Variants in TRAPPC9 observed in about 807,000 individuals in gnomAD.
The protein encoded by TRAPPC9 is IKK2 binding protein.
Under a neutral mutation model 124.0 loss-of-function variants are expected in TRAPPC9, and 83 were observed. That is an observed-to-expected ratio of 0.67 (90% CI 0.56 to 0.80). The LOEUF is 0.80. TRAPPC9 is among the 30% of genes least tolerant of loss of function. The pLI, the probability that TRAPPC9 is intolerant of heterozygous loss-of-function variation, is 0.00. For synonymous variants in TRAPPC9, 638 were observed against 617.5 expected, an observed-to-expected ratio of 1.03 and a Z score of -0.49; for missense variants, 1,302 against 1,508.3, an observed-to-expected ratio of 0.86 and a Z score of 2.27.
In TRAPPC9 at chr8:140,300,497, G is replaced by T; in HGVS notation, c.1740C>A (p.Asn580Lys). The T allele has an allele frequency of 6.2e-7, 1 of 1,614,226 alleles. No homozygotes were observed. The highest frequency in any genetic ancestry group is 8.5e-7 in the Non-Finnish European group (1 of 1,180,046). The change falls in exon 11 of 23, where the codon AAC (asparagine) becomes AAA (lysine). Residue 580 changes from asparagine to lysine, a missense_variant. Asn to Lys is a moderately conservative substitution (Grantham distance 94). Transcript: ENST00000438773. ...PFIYSPIIAH[N>K]RGEERNKKID... ...TTTTCTTGTTCCGCTCTTCTCCACG[G>T]TTGTGTGCGATAATTGGTGAATAGA...
intron 6 of TRAPPC9, among the ~76,000 whole-genome samples, chr8:140,398,035 G>C (rs185664045): frequency 5.9e-5 from 9 of 152,338 alleles, no homozygotes; most frequent in Admixed American, 5.9e-4. Context: ...CATAAGATCT[G>C]ATGGTTTTAT....
chr8:140,158,146 G>A (rs1459117334), intron 17 of TRAPPC9, among the ~76,000 whole-genome samples: 1 of 152,096 alleles, frequency 6.6e-6, no homozygotes, highest in African/African-American at 2.4e-5. Context: ...TAGTCAAAAG[G>A]TTTGTATATG....
chr8:140,128,429 A>G (rs757816799), intron 17 of TRAPPC9, among the ~76,000 whole-genome samples: 5 of 152,234 alleles, frequency 3.3e-5, no homozygotes, highest in Admixed American at 1.3e-4. Context: ...GGCTGCATAC[A>G]AGAAGCAGTG....
At chr8:139,820,160 GA>G (rs767915253) in intron 21 of TRAPPC9, among the ~76,000 whole-genome samples, 3 of 151,798 alleles carry the variant, frequency 2.0e-5, no homozygotes, top group South Asian at 2.1e-4. Context: ...AATGGAGAGA[GA>G]AAAAAAATTA....
In TRAPPC9 at chr8:140,256,926, T is replaced by C. The variant is rs567923275; in HGVS notation, c.2279-3997A>G. 7.2e-5 allele frequency among the ~76,000 whole-genome samples: 11 copies of C among 152,244 alleles called. No homozygotes were observed. The East Asian group carries it at 2.1e-3, about 29-fold the overall frequency. On this transcript the variant is annotated intron_variant, in intron 15 of 22. Coordinates refer to ENST00000438773, the MANE Select transcript of TRAPPC9 (RefSeq NM_001160372.4). ...TGTTTGCTCTTATAATTATTCAGGT[T>C]TGGCAAGAACACCACCACCAATGAT... is the stretch of plus-strand genomic sequence containing the variant.
At chr8:139,772,422 A>G (rs1158950441) in intron 21 of TRAPPC9, among the ~76,000 whole-genome samples, 1 of 152,186 alleles carries the variant, frequency 6.6e-6, no homozygotes, top group Admixed American at 6.5e-5. Context: ...CTCATCTGAC[A>G]GTCCCCAAAC....
At chr8:140,307,000 G>A (rs767329044) in intron 10 of TRAPPC9, among the ~76,000 whole-genome samples, 4 of 152,064 alleles carry the variant, frequency 2.6e-5, no homozygotes, top group South Asian at 2.1e-4. Context: ...CCAGCTATTC[G>A]TAGGTTTTGC....
At chr8:140,149,666 C>T (rs1173177142) in intron 17 of TRAPPC9, among the ~76,000 whole-genome samples, 1 of 152,024 alleles carries the variant, frequency 6.6e-6, no homozygotes, top group East Asian at 1.9e-4. Flanking sequence ...TTAGTGACGG[C>T]TTCAATTCCT....
At position 140,439,183 on chromosome 8, in the gene TRAPPC9, C is replaced by T. The variant is rs2070923891; in HGVS notation, c.599G>A (p.Arg200Gln). 3.1e-6 allele frequency: 5 copies of T among 1,614,102 alleles called. No homozygotes were observed. Among genetic ancestry groups the T allele is most frequent in the Admixed American group, 1.7e-5 (1 of 60,022 alleles). ...GTGCTTCCGCATGCGGCCTTGGCACCGCTTCTTGTAATGTCTAGAAAATAC... is the reference window on the plus strand; with the variant it reads ...GTGCTTCCGCATGCGGCCTTGGCACTGCTTCTTGTAATGTCTAGAAAATAC... ...LDTDSRHYKKRCQGRMRKHVG... is the reference protein window; with the variant it reads ...LDTDSRHYKKQCQGRMRKHVG... The change falls in exon 3 of 23, where the codon CGG becomes CAG. Residue 200 changes from arginine to glutamine, a missense_variant. Transcript: ENST00000438773.
chr8:140,390,110 C>T (rs2068882877), intron 7 of TRAPPC9, among the ~76,000 whole-genome samples: 1 of 152,092 alleles, frequency 6.6e-6, no homozygotes, highest in South Asian at 2.1e-4. Flanking sequence ...TCAAGACCAG[C>T]CTGGCCAACA....
At chr8:140,272,092 TG>T (rs1407501042) in intron 15 of TRAPPC9, among the ~76,000 whole-genome samples, 35 of 60,564 alleles carry the variant, frequency 5.8e-4, no homozygotes, top group Admixed American at 1.5e-3. Flanking sequence ...GTTGTGTTGA[TG>T]ATGAGGTGAT....
In TRAPPC9 at chr8:139,806,928, T is replaced by C. The variant is rs538396720; in HGVS notation, c.3056-74726A>G. Among the ~76,000 whole-genome samples the C allele has an allele frequency of 3.9e-5, 6 of 152,312 alleles. No homozygotes were observed. In the South Asian group the frequency reaches 1.2e-3, roughly 32 times the overall value. On this transcript the variant is annotated intron_variant, in intron 21 of 22. Coordinates refer to ENST00000438773, the MANE Select transcript of TRAPPC9 (RefSeq NM_001160372.4). ...GGAGAGTTGTCTTTCAGCTTGACTT[T>C]GGAAAAGAGCCAGTGCTTTGATCGG...
intron 17 of TRAPPC9, among the ~76,000 whole-genome samples, chr8:140,129,510 T>G (rs1188221046): frequency 6.6e-6 from 1 of 151,960 alleles, no homozygotes; most frequent in Non-Finnish European, 1.5e-5. Context: ...AAAGGGTGTC[T>G]ACACACGGGG....
At chr8:140,250,475 G>A (rs2064106433) in intron 16 of TRAPPC9, among the ~76,000 whole-genome samples, 1 of 152,188 alleles carries the variant, frequency 6.6e-6, no homozygotes, top group Non-Finnish European at 1.5e-5. Flanking sequence ...ATGTTAGACT[G>A]TGAGCTACAG....
At chr8:140,402,206 A>C (rs1440018554) in intron 6 of TRAPPC9, among the ~76,000 whole-genome samples, 2 of 151,724 alleles carry the variant, frequency 1.3e-5, no homozygotes, top group Non-Finnish European at 2.9e-5. Context: ...GTCATTACAA[A>C]TAAAAAATAA....
intron 20 of TRAPPC9, among the ~76,000 whole-genome samples, chr8:139,898,302 G>T (rs553344455): frequency 6.6e-6 from 1 of 152,220 alleles, no homozygotes; most frequent in African/African-American, 2.4e-5. Context: ...GGCCATGACC[G>T]ATTTCCCAAA....
At chr8:140,300,809 AG>A (rs1194672025) in intron 10 of TRAPPC9, among the ~76,000 whole-genome samples, 195 bp from the exon 11 acceptor site, 3 of 152,236 alleles carry the variant, frequency 2.0e-5, no homozygotes, top group African/African-American at 4.8e-5. Context: ...TCTCCCAGAC[AG>A]GGGAAATCAC....
intron 6 of TRAPPC9, among the ~76,000 whole-genome samples, chr8:140,400,785 T>C (rs1386853684): frequency 6.6e-6 from 1 of 152,104 alleles, no homozygotes; most frequent in African/African-American, 2.4e-5. Flanking sequence ...AGGATTCAGG[T>C]TCCAGAACCC....
At chr8:139,759,132 C>T (rs1476755120) in intron 21 of TRAPPC9, among the ~76,000 whole-genome samples, 2 of 152,180 alleles carry the variant, frequency 1.3e-5, no homozygotes, top group Non-Finnish European at 2.9e-5. Flanking sequence ...TATGACTGTC[C>T]CCATTTCACA....
Sources: allele counts gnomAD v4.1 joint callset (sites outside exome capture counted in the v4.1 genomes callset), GRCh38; gene constraint gnomAD v4.1.1; transcripts MANE v1.5; gene names NCBI Gene and HGNC (gene_info 2026-07-23, HGNC 2026-07-21).